The following AKR1C3 variants were observed in gnomAD, a reference collection of about 807,000 sequenced individuals.
AKR1C3 encodes the protein 3-alpha hydroxysteroid dehydrogenase, type II.
Under a neutral mutation model 43.6 loss-of-function variants are expected in AKR1C3, and 48 were observed. That is an observed-to-expected ratio of 1.10 (90% CI 0.87 to 1.40). The LOEUF (loss-of-function observed/expected upper bound fraction) is 1.40. Among genes scored for constraint, AKR1C3 ranks in the 40% most tolerant of loss-of-function variants. The probability of loss-of-function intolerance (pLI) is 0.00; values close to 1 mark genes in which losing one functional copy is unlikely to be tolerated. For missense variants in AKR1C3, 482 were observed against 391.2 expected (o/e 1.23, Z -1.96); for synonymous variants, 162 against 139.6 (o/e 1.16, Z -1.13).
chr10:5,062,280 C>T (rs782091980), intron 1 of AKR1C3, among the ~76,000 whole-genome samples: 1 of 152,172 alleles, frequency 6.6e-6, no homozygotes, highest in Non-Finnish European at 1.5e-5. Flanking sequence ...TTTTGCAGCC[C>T]ACAATCTTTC....
intron 1 of AKR1C3, among the ~76,000 whole-genome samples, chr10:5,062,815 G>T (rs1838407326): frequency 2.0e-5 from 3 of 146,990 alleles, no homozygotes; most frequent in Admixed American, 1.4e-4. Context: ...ATTCCAGCCA[G>T]TTCATTACTT....
chr10:5,056,090 G>A (rs1244720138), intron 1 of AKR1C3, among the ~76,000 whole-genome samples: 1 of 152,124 alleles, frequency 6.6e-6, no homozygotes, highest in Non-Finnish European at 1.5e-5. Context: ...TAGCCTGCTG[G>A]GACAAGGCTT....
intron 8 of AKR1C3, among the ~76,000 whole-genome samples, chr10:5,107,207 G>A (rs1839527452): frequency 6.6e-6 from 1 of 152,140 alleles, no homozygotes; most frequent in Non-Finnish European, 1.5e-5. Flanking sequence ...GCTGACAGAT[G>A]TACAGGAATA....
intron 1 of AKR1C3, among the ~76,000 whole-genome samples, chr10:5,057,155 A>G (rs1564352851): frequency 6.6e-6 from 1 of 152,194 alleles, no homozygotes; most frequent in East Asian, 1.9e-4. Context: ...GCCTCAGCAT[A>G]GTGGACATGG....
At chr10:5,066,695 A>T (rs1419298091) in intron 1 of AKR1C3, among the ~76,000 whole-genome samples, 1 of 152,196 alleles carries the variant, frequency 6.6e-6, no homozygotes, top group Non-Finnish European at 1.5e-5. Context: ...TAAAGAGTCT[A>T]CTCACTTAAC....
At chr10:5,097,055 T>G (rs942628339) in intron 2 of AKR1C3, among the ~76,000 whole-genome samples, 2 of 152,184 alleles carry the variant, frequency 1.3e-5, no homozygotes, top group African/African-American at 4.8e-5. Flanking sequence ...CCCTTTTATG[T>G]TGCTTTAGTT....
intron 1 of AKR1C3, among the ~76,000 whole-genome samples, chr10:5,049,853 T>G (rs1588326407): frequency 6.6e-6 from 1 of 152,230 alleles, no homozygotes. Context: ...TTTAGGACTA[T>G]ATATGTAACT....
At chr10:5,074,471 G>T (rs1838670193) in intron 1 of AKR1C3, among the ~76,000 whole-genome samples, 1 of 152,222 alleles carries the variant, frequency 6.6e-6, no homozygotes, top group African/African-American at 2.4e-5. Context: ...ATGCAGCCAG[G>T]CTTTCTCTGA....
chr10:5,055,102 C>G (rs1306624263), intron 1 of AKR1C3, among the ~76,000 whole-genome samples: 2 of 152,188 alleles, frequency 1.3e-5, no homozygotes, highest in Non-Finnish European at 2.9e-5. Flanking sequence ...GTAAGTGCCA[C>G]TAGTTCTGCT....
At chr10:5,053,415 A>T (rs782404420) in intron 1 of AKR1C3, among the ~76,000 whole-genome samples, 1 of 152,220 alleles carries the variant, frequency 6.6e-6, no homozygotes, top group Non-Finnish European at 1.5e-5. Context: ...TGCTGAGCAC[A>T]TGCCCACCCG....
In AKR1C3 at chr10:5,101,251, T is replaced by C. The variant is rs868948073; in HGVS notation, c.571-850T>C. ...GGGTGATAATTCCTAACAGAAGAAG[T>C]CATATTCCATGACAAATTTTCACAT... On this transcript the variant is annotated intron_variant, in intron 5 of 8. Coordinates refer to ENST00000380554, the MANE Select transcript of AKR1C3 (RefSeq NM_003739.6). Among the ~76,000 whole-genome samples, 139 of 152,336 alleles carry C rather than the reference T, an allele frequency of 9.1e-4. 1 individual carries two copies. Among genetic ancestry groups the C allele is most frequent in the African/African-American group, 3.3e-3 (138 of 41,578 alleles).
intron 1 of AKR1C3, among the ~76,000 whole-genome samples, chr10:5,053,774 C>T (rs782697492): frequency 6.6e-6 from 1 of 152,238 alleles, no homozygotes; most frequent in African/African-American, 2.4e-5. Context: ...GTTGTAGTGT[C>T]CTCCAGAGGG....
chr10:5,080,944 A>G (rs6601900), intron 1 of AKR1C3: 88,441 of 151,222 alleles, frequency 0.58, 26,109 homozygotes, highest in African/African-American at 0.66. Context: ...GAGTTTTAGA[A>G]TGGGGTTTTC....
At chr10:5,050,718 A>G (rs1315135587) in intron 1 of AKR1C3, among the ~76,000 whole-genome samples, 4 of 152,230 alleles carry the variant, frequency 2.6e-5, no homozygotes, top group Non-Finnish European at 5.9e-5. Context: ...ATAAGTAGGC[A>G]TTTGTTTTTC....
In AKR1C3 at chr10:5,099,408, C is replaced by G; in HGVS notation, c.529C>G (p.Leu177Val). The G allele has an allele frequency of 2.5e-6, 4 of 1,614,170 alleles. No homozygotes were observed. The highest frequency in any genetic ancestry group is 3.4e-6 in the Non-Finnish European group (4 of 1,180,032). The change falls in exon 5 of 9, where the codon CTC (leucine) becomes GTC (valine). Residue 177 changes from leucine to valine, a missense_variant. By Grantham distance (32) the Leu-to-Val change is conservative. Coordinates refer to ENST00000380554, the MANE Select transcript of AKR1C3 (RefSeq NM_003739.6). ...CAACCGCAGGCAGCTGGAGATGATC[C>G]TCAACAAGCCAGGACTCAAGTACAA... ...NFNRRQLEMI[L>V]NKPGLKYKPV... is the part of the protein sequence containing the mutation.
chr10:5,081,949 G>C (rs1554782396), intron 1 of AKR1C3: 2 of 152,172 alleles, frequency 1.3e-5, no homozygotes, highest in Admixed American at 1.3e-4. Flanking sequence ...AGTTGCAAGA[G>C]AGAAGTAGAA....
intron 4 of AKR1C3, 41 bp downstream of exon 4, chr10:5,098,920 A>G (rs1334635913): frequency 6.6e-7 from 1 of 1,514,078 alleles, no homozygotes; most frequent in Admixed American, 1.9e-5. Flanking sequence ...GGATGACAAA[A>G]AGAGAAAATC....
chr10:5,055,364 A>C (rs1442514070), intron 1 of AKR1C3, among the ~76,000 whole-genome samples: 2 of 152,220 alleles, frequency 1.3e-5, no homozygotes, highest in Non-Finnish European at 2.9e-5. Context: ...AGGGGCATGC[A>C]CATGCATATT....
intron 1 of AKR1C3, among the ~76,000 whole-genome samples, chr10:5,051,870 T>C (rs1838160292): frequency 6.6e-6 from 1 of 152,224 alleles, no homozygotes; most frequent in Admixed American, 6.5e-5. Context: ...TTCAGTGCTC[T>C]CTTCTAAAGA....
Sources: allele counts gnomAD v4.1 joint callset (sites outside exome capture counted in the v4.1 genomes callset), GRCh38; gene constraint gnomAD v4.1.1; transcripts MANE v1.5; gene names NCBI Gene and HGNC (gene_info 2026-07-23, HGNC 2026-07-21).